The following COL23A1 variants were observed in gnomAD, a reference collection of about 807,000 sequenced individuals.
COL23A1 encodes collagen type XXIII alpha 1 chain.
A neutral mutation model predicts 99.3 loss-of-function variants in COL23A1; 97 were observed. The observed-to-expected ratio is 0.98, with a 90% CI of 0.83 to 1.16. The LOEUF is 1.16. COL23A1 is among the 50% of genes most tolerant of loss of function. The pLI is 0.00. For missense variants in COL23A1, 762 were observed against 757.4 expected, an observed-to-expected ratio of 1.01 and a Z score of -0.07; for synonymous variants, 320 against 308.2, an observed-to-expected ratio of 1.04 and a Z score of -0.40.
chr5:178,353,862 C>G (rs992946139), intron 2 of COL23A1, among the ~76,000 whole-genome samples: 1 of 151,546 alleles, frequency 6.6e-6, no homozygotes, highest in African/African-American at 2.4e-5. Context: ...ACATTCCATG[C>G]GGGAGACAAA....
chr5:178,502,600 G>C (rs1220521393), intron 2 of COL23A1, among the ~76,000 whole-genome samples: 1 of 152,212 alleles, frequency 6.6e-6, no homozygotes, highest in Non-Finnish European at 1.5e-5. Context: ...TGTCATGAAA[G>C]TAAGAAGTTC....
intron 2 of COL23A1, among the ~76,000 whole-genome samples, chr5:178,530,460 CA>C (rs796874676): frequency 2.9e-4 from 43 of 150,178 alleles, no homozygotes; most frequent in African/African-American, 9.3e-4. Context: ...AGACCTGTTT[CA>C]AAAAAAAAGG....
At chr5:178,461,264 C>CTCTCCT (rs1756107262) in intron 2 of COL23A1, among the ~76,000 whole-genome samples, 1 of 152,240 alleles carries the variant, frequency 6.6e-6, no homozygotes, top group Non-Finnish European at 1.5e-5. Context: ...CCAGCCTGGC[C>CTCTCCT]ATGTCCTGGT....
chr5:178,245,427 A>C (rs1453960991), intron 25 of COL23A1, among the ~76,000 whole-genome samples: 1 of 147,086 alleles, frequency 6.8e-6, no homozygotes, highest in African/African-American at 2.6e-5. Context: ...TCAATCCTCC[A>C]TCCATTCATC....
chr5:178,494,872 A>G (rs796795975), intron 2 of COL23A1, among the ~76,000 whole-genome samples: 6 of 152,210 alleles, frequency 3.9e-5, no homozygotes, highest in African/African-American at 1.4e-4. Context: ...ACAGGGAACA[A>G]TGACATTTTC....
chr5:178,469,663 AG>A (rs1466373371), intron 2 of COL23A1, among the ~76,000 whole-genome samples: 2 of 152,032 alleles, frequency 1.3e-5, no homozygotes, highest in Non-Finnish European at 2.9e-5. Flanking sequence ...GATGGAGCCC[AG>A]GGGACTTCCG....
intron 2 of COL23A1, among the ~76,000 whole-genome samples, chr5:178,498,205 AATATATATATATATATATATATATATAT>A (rs1159261586): frequency 0.087 from 3,017 of 34,748 alleles, 227 homozygotes; most frequent in Non-Finnish European, 0.12. Flanking sequence ...TCTTTATTTA[AATATATATATATATATATATATATATAT>A]ATATATATAT....
At chr5:178,256,836 A>G in intron 14 of COL23A1, 30 bp downstream of exon 14, 3 of 1,602,818 alleles carry the variant, frequency 1.9e-6, no homozygotes, top group Non-Finnish European at 2.6e-6. Flanking sequence ...CGGGGCCCGC[A>G]GGCGCCAGAG....
chr5:178,362,311 C>T (rs531651109), intron 2 of COL23A1, among the ~76,000 whole-genome samples: 2 of 152,090 alleles, frequency 1.3e-5, no homozygotes, highest in South Asian at 4.2e-4. Flanking sequence ...CAACCACAGG[C>T]CCCGGGGTTG....
intron 2 of COL23A1, among the ~76,000 whole-genome samples, chr5:178,451,897 G>A (rs1369021881): frequency 6.6e-6 from 1 of 151,976 alleles, no homozygotes; most frequent in East Asian, 1.9e-4. Flanking sequence ...TGCATTTCAT[G>A]TTCACGTTTT....
intron 2 of COL23A1, among the ~76,000 whole-genome samples, chr5:178,355,502 C>T (rs1434878347): frequency 5.3e-5 from 8 of 152,030 alleles, no homozygotes; most frequent in Non-Finnish European, 7.4e-5. Flanking sequence ...AAAGAACTAC[C>T]GAAGGCTGAG....
chr5:178,331,892 G>A (rs1401052802), intron 2 of COL23A1, among the ~76,000 whole-genome samples: 1 of 152,352 alleles, frequency 6.6e-6, no homozygotes, highest in East Asian at 1.9e-4. Context: ...CAGGAGGAAG[G>A]CACGCAAAAG....
chr5:178,499,837 T>G (rs1285411074), intron 2 of COL23A1, among the ~76,000 whole-genome samples: 1 of 152,196 alleles, frequency 6.6e-6, no homozygotes, highest in Non-Finnish European at 1.5e-5. Context: ...AAACAAATTG[T>G]GTTAGAGACA....
At chr5:178,581,111 C>A (rs1031964450) in intron 1 of COL23A1, among the ~76,000 whole-genome samples, 2 of 152,118 alleles carry the variant, frequency 1.3e-5, no homozygotes, top group African/African-American at 4.8e-5. Context: ...TTTTTGCTTT[C>A]GACAACAATG....
At chr5:178,581,547 CAG>C (rs1267907961) in intron 1 of COL23A1, among the ~76,000 whole-genome samples, 1 of 144,484 alleles carries the variant, frequency 6.9e-6, no homozygotes, top group Admixed American at 7.2e-5. Flanking sequence ...GCCTGGGCGA[CAG>C]AGTGAGATTC....
At chr5:178,490,768 C>T (rs576780720) in intron 2 of COL23A1, among the ~76,000 whole-genome samples, 6 of 151,970 alleles carry the variant, frequency 3.9e-5, no homozygotes, top group Non-Finnish European at 8.8e-5. Flanking sequence ...CACAGCGAGA[C>T]CCTGTCTCAA....
Position 178,428,426 on chromosome 5 carries a change from TC to T in COL23A1, c.362-121508del, listed in dbSNP as rs199917753. ...AGATAACAGGGAACCAGGGGCAGCTTCCAGGGCCCCTTCCTCATTCTGCTGC... is the reference window on the plus strand; with the variant it reads ...AGATAACAGGGAACCAGGGGCAGCTTCAGGGCCCCTTCCTCATTCTGCTGC... On this transcript the variant is annotated intron_variant, in intron 2 of 28. Transcript: ENST00000390654. The surrounding 1 kb of genome is among the most constrained non-coding windows in gnomAD (Gnocchi z 5.0). Among the ~76,000 whole-genome samples the T allele has an allele frequency of 5.1e-4, 77 of 152,326 alleles. 1 individual carries two copies. In the East Asian group the frequency reaches 0.014, roughly 28 times the overall value.
intron 2 of COL23A1, among the ~76,000 whole-genome samples, chr5:178,372,118 ATTT>A (rs1762831244): frequency 1.3e-5 from 2 of 152,326 alleles, no homozygotes; most frequent in Admixed American, 1.3e-4. Context: ...ACAACTCTGG[ATTT>A]CTGGTTCCTC....
chr5:178,571,058 C>A (rs1476013240), intron 1 of COL23A1, among the ~76,000 whole-genome samples: 2 of 151,984 alleles, frequency 1.3e-5, no homozygotes, highest in Non-Finnish European at 2.9e-5. Flanking sequence ...TCATAATCCA[C>A]CATGAGAAAG....
Sources: gnomAD v4.1 joint callset for allele counts (sites outside exome capture counted in the v4.1 genomes callset) on GRCh38, gnomAD v4.1.1 for gene constraint, Gnocchi (gnomAD v3.1) non-coding constraint, MANE v1.5 for transcripts, NCBI Gene and HGNC (gene_info 2026-07-23, HGNC 2026-07-21) for gene names.